The following GRXCR1 variants were observed in gnomAD, a reference collection of about 807,000 sequenced individuals.
GRXCR1 encodes glutaredoxin domain-containing cysteine-rich protein 1.
A neutral mutation model predicts 27.3 loss-of-function variants in GRXCR1; 27 were observed. That is an observed-to-expected ratio of 0.99 (90% CI 0.73 to 1.37). The LOEUF is 1.37. GRXCR1 is among the 40% of genes most tolerant of loss of function. GRXCR1 has a pLI of 0.00. For synonymous variants in GRXCR1, 122 were observed against 131.1 expected (o/e 0.93, Z 0.47); for missense variants, 379 against 354.4 (o/e 1.07, Z -0.56).
At chr4:42,904,736 A>G (rs1423233212) in intron 1 of GRXCR1, among the ~76,000 whole-genome samples, 1 of 152,196 alleles carries the variant, frequency 6.6e-6, no homozygotes, top group Non-Finnish European at 1.5e-5. Flanking sequence ...CAAATTGTGA[A>G]TCAAATACTA....
At chr4:42,996,190 A>T (rs936986143) in intron 2 of GRXCR1, among the ~76,000 whole-genome samples, 2 of 152,194 alleles carry the variant, frequency 1.3e-5, no homozygotes, top group Non-Finnish European at 2.9e-5. Flanking sequence ...AGTGAAGTGG[A>T]GATTTAATTT....
At chr4:42,942,835 A>G (rs998958097) in intron 1 of GRXCR1, among the ~76,000 whole-genome samples, 3 of 152,110 alleles carry the variant, frequency 2.0e-5, no homozygotes, top group African/African-American at 7.2e-5. Flanking sequence ...GGAAAGTAAT[A>G]AAAAATAGAT....
chr4:43,011,801 T>C (rs757193080), intron 2 of GRXCR1, among the ~76,000 whole-genome samples: 2 of 151,938 alleles, frequency 1.3e-5, no homozygotes, highest in Admixed American at 1.3e-4. Flanking sequence ...TGTAGGGAGG[T>C]CTTTCTTGAT....
At chr4:43,001,378 T>G (rs1300686954) in intron 2 of GRXCR1, among the ~76,000 whole-genome samples, 1 of 152,130 alleles carries the variant, frequency 6.6e-6, no homozygotes, top group Non-Finnish European at 1.5e-5. Context: ...ATGGTAGACT[T>G]TGCAGAAGGT....
At chr4:43,026,480 GA>G (rs1713263354) in intron 3 of GRXCR1, among the ~76,000 whole-genome samples, 1 of 134,626 alleles carries the variant, frequency 7.4e-6, no homozygotes, top group Non-Finnish European at 1.5e-5. Context: ...GCAAGAATGA[GA>G]TTCCTGGGTG....
intron 3 of GRXCR1, among the ~76,000 whole-genome samples, chr4:43,021,641 T>C (rs1393684416): frequency 6.6e-6 from 1 of 152,174 alleles, no homozygotes; most frequent in East Asian, 1.9e-4. Flanking sequence ...TCATTTTTTA[T>C]CAGTTTTTGT....
intron 2 of GRXCR1, among the ~76,000 whole-genome samples, chr4:42,989,764 C>T (rs991230182): frequency 3.3e-5 from 5 of 152,150 alleles, no homozygotes; most frequent in African/African-American, 1.2e-4. Context: ...ATATCTAGAG[C>T]AATAAACAAG....
intron 2 of GRXCR1, among the ~76,000 whole-genome samples, chr4:42,964,723 T>G (rs1404638878): frequency 6.6e-6 from 1 of 152,028 alleles, no homozygotes; most frequent in African/African-American, 2.4e-5. Context: ...TTTGCTGGTA[T>G]AGTTTTAGGA....
In GRXCR1 at chr4:42,903,468, C is replaced by T. The variant is rs188482201; in HGVS notation, c.384+9818C>T. Among the ~76,000 whole-genome samples the T allele has an allele frequency of 2.5e-4, 36 of 146,138 alleles. 7 individuals are homozygous for T. In the East Asian group the frequency reaches 3.7e-3, roughly 15 times the overall value. ...CTGGGACTACAGGCACCCACCACCA[C>T]GCCAGGCTAATTTTTTGTATTTTTT... On this transcript the variant is annotated intron_variant, in intron 1 of 3. Transcript: ENST00000399770.
chr4:42,933,384 C>T (rs1373136325), intron 1 of GRXCR1, among the ~76,000 whole-genome samples: 1 of 151,878 alleles, frequency 6.6e-6, no homozygotes, highest in South Asian at 2.1e-4. Flanking sequence ...TCAAGGAGAG[C>T]TGCCTGGGTC....
intron 1 of GRXCR1, among the ~76,000 whole-genome samples, chr4:42,934,612 A>G (rs1183680538): frequency 6.6e-6 from 1 of 151,960 alleles, no homozygotes; most frequent in Non-Finnish European, 1.5e-5. Context: ...CACTTGCTCT[A>G]TCATGAAATA....
At chr4:43,017,420 G>T (rs1265696584) in intron 2 of GRXCR1, among the ~76,000 whole-genome samples, 1 of 152,146 alleles carries the variant, frequency 6.6e-6, no homozygotes, top group African/African-American at 2.4e-5. Flanking sequence ...CTGATTAACA[G>T]AAAGACTCTG....
rs565473534 is a variant in GRXCR1, at chr4:42,922,788, T to C, written c.384+29138T>C. Among the ~76,000 whole-genome samples, 11 of 152,170 alleles carry C rather than the reference T, an allele frequency of 7.2e-5. No homozygotes were observed. The East Asian group carries it at 7.8e-4, about 11-fold the overall frequency. Reference sequence around the variant, plus strand: ...AACCTCCATGCTAGATACCCCTTCATGGCCTTTTGCTGCTGGAATTTTCTC... The same window carrying C: ...AACCTCCATGCTAGATACCCCTTCACGGCCTTTTGCTGCTGGAATTTTCTC... On this transcript the variant is annotated intron_variant, in intron 1 of 3. Coordinates refer to ENST00000399770, the MANE Select transcript of GRXCR1 (RefSeq NM_001080476.3).
Position 42,963,017 on chromosome 4 carries a change from T to C in GRXCR1, c.510T>C (p.Phe170=). The C allele has an allele frequency of 6.2e-7, 1 of 1,612,866 alleles. No homozygotes were observed. The highest frequency in any genetic ancestry group is 8.5e-7 in the Non-Finnish European group (1 of 1,179,136). ...TTTTCCAAAACCATCGCGTAAAATT[T>C]GAAGAGAAAAACATAGCCCTGAATG... The part of the protein sequence containing the change: ...RKIFQNHRVK[F]EEKNIALNGE... The change falls in exon 2 of 4, where the codon TTT becomes TTC. Residue 170 remains phenylalanine, a synonymous_variant. Transcript: ENST00000399770.
intron 2 of GRXCR1, among the ~76,000 whole-genome samples, chr4:43,007,601 C>A (rs962214455): frequency 1.3e-5 from 2 of 152,010 alleles, no homozygotes; most frequent in African/African-American, 4.8e-5. Context: ...AGTGTGTTAG[C>A]AGTAAAAGTG....
intron 1 of GRXCR1, among the ~76,000 whole-genome samples, chr4:42,945,686 T>C (rs1747727430): frequency 6.6e-6 from 1 of 152,024 alleles, no homozygotes; most frequent in Non-Finnish European, 1.5e-5. Flanking sequence ...AGGTGGAGGG[T>C]AGATGATGTG....
At chr4:42,968,816 C>T (rs1296705646) in intron 2 of GRXCR1, among the ~76,000 whole-genome samples, 1 of 151,936 alleles carries the variant, frequency 6.6e-6, no homozygotes, top group African/African-American at 2.4e-5. Context: ...CTTCCACTTG[C>T]ATTTTATTGT....
At chr4:42,994,581 A>G (rs11734576) in intron 2 of GRXCR1, among the ~76,000 whole-genome samples, 50,690 of 152,022 alleles carry the variant, frequency 0.33, 9,414 homozygotes, top group East Asian at 0.5. Context: ...TTTCTGTCAT[A>G]ATTTAGTGAA....
chr4:42,901,074 C>CCT (rs1746449624), intron 1 of GRXCR1, among the ~76,000 whole-genome samples: 2 of 152,070 alleles, frequency 1.3e-5, no homozygotes, highest in Admixed American at 1.3e-4. Context: ...AGTAAATATC[C>CCT]CCTTTTTAAG....
Sources: allele counts gnomAD v4.1 joint callset (sites outside exome capture counted in the v4.1 genomes callset), GRCh38; gene constraint gnomAD v4.1.1; transcripts MANE v1.5; gene names NCBI Gene and HGNC (gene_info 2026-07-23, HGNC 2026-07-21).